PPFIA2: variants seen among roughly 807,000 people sequenced by gnomAD.
PPFIA2 encodes liprin-alpha-2.
In PPFIA2, 46 loss-of-function variants were observed where a neutral mutation model predicts 175.5. The observed-to-expected ratio is 0.26, with a 90% CI of 0.21 to 0.34. The LOEUF (loss-of-function observed/expected upper bound fraction) is 0.34. Ranked by LOEUF, PPFIA2 falls within the 10% of genes least tolerant of loss-of-function variation. The pLI is 1.00. For missense variants in PPFIA2, 1,179 were observed against 1,506.1 expected, an observed-to-expected ratio of 0.78 and a Z score of 3.60; for synonymous variants, 568 against 511.4, an observed-to-expected ratio of 1.11 and a Z score of -1.49.
intron 3 of PPFIA2, among the ~76,000 whole-genome samples, chr12:81,697,734 C>T (rs1463114362): frequency 6.6e-6 from 1 of 152,080 alleles, no homozygotes; most frequent in East Asian, 1.9e-4. Context: ...TTCCTCTAGA[C>T]CAAGACTTTG....
chr12:81,757,320 C>T (rs1480664121), intron 2 of PPFIA2, among the ~76,000 whole-genome samples: 2 of 152,162 alleles, frequency 1.3e-5, no homozygotes, highest in African/African-American at 4.8e-5. Flanking sequence ...CTAAAAACTG[C>T]ATTCATCACA....
At chr12:81,311,586 A>G (rs2050822862) in intron 22 of PPFIA2, among the ~76,000 whole-genome samples, 1 of 151,878 alleles carries the variant, frequency 6.6e-6, no homozygotes. Context: ...ACAAAAAATT[A>G]GCCAGGCGTG....
At chr12:81,703,602 C>T (rs1204440581) in intron 3 of PPFIA2, among the ~76,000 whole-genome samples, 2 of 152,120 alleles carry the variant, frequency 1.3e-5, no homozygotes, top group Non-Finnish European at 2.9e-5. Flanking sequence ...GCAGACTTCT[C>T]TGCTAGTATG....
chr12:81,330,954 A>T (rs1215228776), intron 21 of PPFIA2, among the ~76,000 whole-genome samples: 1 of 152,228 alleles, frequency 6.6e-6, no homozygotes, highest in Non-Finnish European at 1.5e-5. Flanking sequence ...ACTTTATTTA[A>T]AGAAAGACCC....
chr12:81,626,084 T>C (rs1362695172), intron 4 of PPFIA2, among the ~76,000 whole-genome samples: 1 of 151,752 alleles, frequency 6.6e-6, no homozygotes, highest in Non-Finnish European at 1.5e-5. Flanking sequence ...TGTTATTCCT[T>C]TTCTAAATTT....
chr12:81,343,852 G>A (rs1160576232), intron 19 of PPFIA2, among the ~76,000 whole-genome samples: 2 of 152,008 alleles, frequency 1.3e-5, no homozygotes, highest in Non-Finnish European at 2.9e-5. Flanking sequence ...CATCTGGAGA[G>A]GATGCTCCTC....
At chr12:81,684,823 T>A (rs943031462) in intron 3 of PPFIA2, among the ~76,000 whole-genome samples, 2 of 152,090 alleles carry the variant, frequency 1.3e-5, no homozygotes, top group African/African-American at 4.8e-5. Context: ...TATTTTCTCA[T>A]CTCTTGAGGT....
chr12:81,393,583 T>G (rs2040552788), intron 8 of PPFIA2, among the ~76,000 whole-genome samples: 1 of 152,026 alleles, frequency 6.6e-6, no homozygotes, highest in African/African-American at 2.4e-5. Context: ...CCAGGAAACT[T>G]CAGGAAGGAG....
intron 8 of PPFIA2, among the ~76,000 whole-genome samples, chr12:81,385,119 C>T (rs2142024136): frequency 6.6e-6 from 1 of 152,214 alleles, no homozygotes; most frequent in East Asian, 1.9e-4. Flanking sequence ...TCAATACCAA[C>T]AACGCATCAG....
At chr12:81,412,067 C>A (rs775083069) in intron 7 of PPFIA2, among the ~76,000 whole-genome samples, 1 of 151,646 alleles carries the variant, frequency 6.6e-6, no homozygotes, top group Non-Finnish European at 1.5e-5. Context: ...AATGTCCTCC[C>A]TAAAAGAGAG....
At chr12:81,265,291 C>CA (rs571821814) in intron 30 of PPFIA2, among the ~76,000 whole-genome samples, 30,571 of 69,842 alleles carry the variant, frequency 0.44, 8,434 homozygotes, top group Non-Finnish European at 0.53. Flanking sequence ...GAAACTCTGT[C>CA]AAAAAAAAAA....
intron 3 of PPFIA2, among the ~76,000 whole-genome samples, chr12:81,727,586 A>G (rs2080257036): frequency 6.6e-6 from 1 of 151,366 alleles, no homozygotes; most frequent in Non-Finnish European, 1.5e-5. Context: ...GGCCCCACCC[A>G]AGACCTACTG....
chr12:81,468,792 A>G (rs919306925), intron 4 of PPFIA2, among the ~76,000 whole-genome samples: 4 of 152,184 alleles, frequency 2.6e-5, no homozygotes, highest in African/African-American at 7.2e-5. Flanking sequence ...GCCTTGAAGA[A>G]TTTAACTGTG....
At chr12:81,635,406 ATAAT>A (rs774600538) in intron 4 of PPFIA2, among the ~76,000 whole-genome samples, 2 of 152,212 alleles carry the variant, frequency 1.3e-5, no homozygotes, top group Non-Finnish European at 2.9e-5. Flanking sequence ...ACAGAAAATA[ATAAT>A]TTTATTAGGT....
intron 8 of PPFIA2, among the ~76,000 whole-genome samples, chr12:81,400,182 G>A (rs2041879190): frequency 6.6e-6 from 1 of 152,104 alleles, no homozygotes; most frequent in African/African-American, 2.4e-5. Context: ...GCATGAGAGT[G>A]TGCAAATCTT....
At chr12:81,598,515 A>T (rs904811076) in intron 4 of PPFIA2, 2 of 266,986 alleles carry the variant, frequency 7.5e-6, no homozygotes, top group East Asian at 3.5e-4. Context: ...AGCATGTTTC[A>T]TATACTGTTT....
intron 3 of PPFIA2, among the ~76,000 whole-genome samples, chr12:81,719,315 C>G (rs1227269479): frequency 1.3e-5 from 2 of 151,498 alleles, no homozygotes; most frequent in African/African-American, 4.8e-5. Flanking sequence ...AAAGCCATAT[C>G]TTGTTTTCTT....
intron 4 of PPFIA2, among the ~76,000 whole-genome samples, chr12:81,527,719 C>T (rs756856801): frequency 6.6e-6 from 1 of 152,090 alleles, no homozygotes; most frequent in Non-Finnish European, 1.5e-5. Context: ...GGAACTCTAT[C>T]ACCTAATGTG....
chr12:81,311,584 T>A (rs1156728573), intron 22 of PPFIA2, among the ~76,000 whole-genome samples: 1 of 151,284 alleles, frequency 6.6e-6, no homozygotes, highest in East Asian at 2.0e-4. Flanking sequence ...ATACAAAAAA[T>A]TAGCCAGGCG....
Sources: gnomAD v4.1 joint callset for allele counts (sites outside exome capture counted in the v4.1 genomes callset) on GRCh38, gnomAD v4.1.1 for gene constraint, MANE v1.5 for transcripts, NCBI Gene and HGNC (gene_info 2026-07-23, HGNC 2026-07-21) for gene names.